The following PRKCG variants were observed in gnomAD, a reference collection of about 807,000 sequenced individuals.
The protein encoded by PRKCG is protein kinase C gamma type.
A neutral mutation model predicts 82.0 loss-of-function variants in PRKCG; 28 were observed. The ratio of observed to expected loss-of-function variants is 0.34; its 90% CI spans 0.25 to 0.47. The LOEUF is 0.47. PRKCG is among the 20% of genes least tolerant of loss of function. The probability of loss-of-function intolerance (pLI) is 1.00; values close to 1 mark genes in which losing one functional copy is unlikely to be tolerated. For missense variants in PRKCG, 640 were observed against 952.7 expected, an observed-to-expected ratio of 0.67 and a Z score of 4.32; for synonymous variants, 383 against 376.6, an observed-to-expected ratio of 1.02 and a Z score of -0.20.
chr19:53,899,114 G>A (rs2068742983), intron 11 of PRKCG, among the ~76,000 whole-genome samples: 1 of 151,896 alleles, frequency 6.6e-6, no homozygotes, highest in Non-Finnish European at 1.5e-5. Context: ...TTCTTCGGAG[G>A]GCGTGGTCGG....
intron 10 of PRKCG, 36 bp from the exon 11 acceptor site, chr19:53,898,404 C>T (rs377371809): frequency 4.3e-6 from 7 of 1,613,460 alleles, no homozygotes; most frequent in African/African-American, 1.3e-5. Context: ...ACTGGGTTCC[C>T]AACATGGACT....
intron 11 of PRKCG, among the ~76,000 whole-genome samples, chr19:53,899,839 G>T (rs57694356): frequency 6.6e-5 from 10 of 152,018 alleles, no homozygotes; most frequent in Non-Finnish European, 1.3e-4. Context: ...CACCCGCTTC[G>T]GCCTCCCAAA....
chr19:53,892,403 G>A lies in PRKCG; in HGVS notation c.687-106G>A, dbSNP rs2068682963. ...GGTCGGAGACCGACAAAGCAGGAGA[G>A]GAGCCCCAGCTGGCTGGGTTTGCCC... On this transcript the variant is annotated intron_variant, in intron 6 of 17. Transcript: ENST00000263431. The surrounding 1 kb of genome is among the most constrained non-coding windows in gnomAD (Gnocchi z 5.9). The A allele has an allele frequency of 1.3e-6, 2 of 1,509,576 alleles. No individual in the cohort carries two copies. The highest frequency in any genetic ancestry group is 8.9e-7 in the Non-Finnish European group (1 of 1,123,380). 93.5% of individuals were successfully genotyped at this position (1,509,576 alleles called of 1,614,324 possible).
At position 53,892,752 on chromosome 19, in the gene PRKCG, G is replaced by GCA. The variant is rs762529486; in HGVS notation, c.821+137_821+138dup. 0.068 allele frequency: 74,394 copies of GCA among 1,092,838 alleles called. 681 individuals are homozygous for GCA. The highest frequency in any genetic ancestry group is 0.086 in the Middle Eastern group (350 of 4,054). 67.7% of individuals were successfully genotyped at this position (1,092,838 alleles called of 1,614,324 possible). On this transcript the variant is annotated intron_variant, in intron 7 of 17. Transcript: ENST00000263431. This position sits in a 1 kb window ranked among gnomAD's most constrained non-coding sequence, Gnocchi z 5.9. Reference sequence around the variant, plus strand: ...TCCTTCCCTCTGCCTCCCAGCATGCGCACACACACACACACACACACACAC... The same window carrying GCA: ...TCCTTCCCTCTGCCTCCCAGCATGCGCACACACACACACACACACACACACAC...
rs750793285 is a variant in PRKCG at position 53,900,437 on chromosome 19, C to T, written c.1392C>T (p.Ile464=). ...EPHAAFYAAE[I]AIGLFFLHNQ... ...CCTCCAGGTTCTACGCGGCAGAAAT[C>T]GCTATCGGCCTCTTCTTCCTTCACA... is the stretch of plus-strand genomic sequence containing the variant. The change falls in exon 13 of 18, where the codon ATC becomes ATT. Residue 464 remains isoleucine (I), a synonymous_variant. Transcript: ENST00000263431. This position sits in a 1 kb window ranked among gnomAD's most constrained non-coding sequence, Gnocchi z 4.2. 10 of 1,614,150 alleles carry T rather than the reference C, an allele frequency of 6.2e-6. No homozygotes were observed. Among genetic ancestry groups the T allele is most frequent in the South Asian group, 1.1e-5 (1 of 91,082 alleles).
At chr19:53,885,221 AT>A (rs1048758686) in intron 3 of PRKCG, among the ~76,000 whole-genome samples, 62 of 149,974 alleles carry the variant, frequency 4.1e-4, no homozygotes, top group East Asian at 1.2e-3. Flanking sequence ...ATTGGCTTAA[AT>A]TTTTTTTTTT....
chr19:53,891,488 T>TG (rs1344275093), intron 5 of PRKCG, among the ~76,000 whole-genome samples, 186 bp from the exon 6 acceptor site: 1 of 150,556 alleles, frequency 6.6e-6, no homozygotes, highest in East Asian at 2.0e-4. Context: ...GGTTTCACCA[T>TG]TCACAGGATG....
chr19:53,898,384 G>T, intron 10 of PRKCG, 56 bp from the exon 11 acceptor site: 2 of 1,604,320 alleles, frequency 1.2e-6, no homozygotes, highest in Non-Finnish European at 1.7e-6. Flanking sequence ...GAGGGGGCAG[G>T]TCCTGTACCA....
In PRKCG at chr19:53,900,143, C is replaced by T. The variant is rs569172218; in HGVS notation, c.1282-90C>T. 1.9e-4 allele frequency: 237 copies of T among 1,272,198 alleles called. No individual in the cohort carries two copies. In the African/African-American group the frequency reaches 3.2e-3, roughly 17 times the overall value. 78.8% of individuals were successfully genotyped at this position (1,272,198 alleles called of 1,614,324 possible). On this transcript the variant is annotated intron_variant, in intron 11 of 17. Coordinates refer to ENST00000263431, the MANE Select transcript of PRKCG (RefSeq NM_002739.5). The surrounding 1 kb of genome is among the most constrained non-coding windows in gnomAD (Gnocchi z 4.2). ...AATTTCTGGTTGGGTGCATCTGGAA[C>T]CTTCCACGTCTGTCCTGAGTGATCA...
In PRKCG at chr19:53,883,416, G is replaced by A. The variant is rs2122974818; in HGVS notation, c.202+222G>A. ...GGGCCCCTCCCTCGGCCGGCTCCAG[G>A]TGGGGACAGATATTTGGAGAATCTG... On this transcript the variant is annotated intron_variant, in intron 2 of 17. Coordinates refer to ENST00000263431, the MANE Select transcript of PRKCG (RefSeq NM_002739.5). This position sits in a 1 kb window ranked among gnomAD's most constrained non-coding sequence, Gnocchi z 5.4. Among the ~76,000 whole-genome samples, 1 of 152,084 alleles carries A rather than the reference G, an allele frequency of 6.6e-6. No homozygotes were observed. Among genetic ancestry groups the A allele is most frequent in the South Asian group, 2.1e-4 (1 of 4,808 alleles).
Position 53,892,568 on chromosome 19 carries a change from G to T in PRKCG, c.746G>T (p.Arg249Leu). ...AGCGTGGAGGTGTGGGACTGGGACCGGACCTCCCGCAACGACTTCATGGGG... is the reference window on the plus strand; with the variant it reads ...AGCGTGGAGGTGTGGGACTGGGACCTGACCTCCCGCAACGACTTCATGGGG... ...RLSVEVWDWD[R>L]TSRNDFMGAM... is the part of the protein sequence containing the mutation. Residue 249 changes from arginine (R) to leucine (L), a missense_variant, in exon 7 of 18, where the codon CGG becomes CTG. Around this residue, in one of 7 missense-constraint regions of PRKCG, gnomAD observed 261 missense variants for 312.1 expected, o/e 0.84. Coordinates refer to ENST00000263431, the MANE Select transcript of PRKCG (RefSeq NM_002739.5). This position sits in a 1 kb window ranked among gnomAD's most constrained non-coding sequence, Gnocchi z 5.9. The T allele has an allele frequency of 3.1e-6, 5 of 1,613,514 alleles. No individual in the cohort carries two copies. Among genetic ancestry groups the T allele is most frequent in the Non-Finnish European group, 4.2e-6 (5 of 1,179,980 alleles).
In PRKCG at chr19:53,904,643, C is replaced by T. The variant is rs556667568; in HGVS notation, c.1665C>T (p.Phe555=). The part of the protein sequence containing the change: ...LYEMLAGQPP[F]DGEDEEELFQ... Reference sequence around the variant, plus strand: ...CCCCTCCACTTTGATAGCCTCCCTTCGATGGGGAGGACGAGGAGGAGCTGT... The same window carrying T: ...CCCCTCCACTTTGATAGCCTCCCTTTGATGGGGAGGACGAGGAGGAGCTGT... The change falls in exon 16 of 18, where the codon TTC becomes TTT. Residue 555 remains phenylalanine (F), a synonymous_variant. Transcript: ENST00000263431. 120 of 1,612,844 alleles carry T rather than the reference C, an allele frequency of 7.4e-5. No homozygotes were observed. The highest frequency in any genetic ancestry group is 9.3e-5 in the Non-Finnish European group (110 of 1,179,622).
chr19:53,899,210 C>A (rs563888627), intron 11 of PRKCG, among the ~76,000 whole-genome samples: 42 of 144,146 alleles, frequency 2.9e-4, no homozygotes, highest in African/African-American at 1.1e-3. Context: ...GCGGAGGTGT[C>A]GTGAAGCGGT....
intron 3 of PRKCG, among the ~76,000 whole-genome samples, chr19:53,886,427 G>C (rs2068632050): frequency 6.6e-6 from 1 of 151,890 alleles, no homozygotes; most frequent in Non-Finnish European, 1.5e-5. Context: ...TTTTGAGACA[G>C]GGTCCCACTC....
At chr19:53,903,241 C>T in intron 15 of PRKCG, 88 bp downstream of exon 15, 2 of 1,031,976 alleles carry the variant, frequency 1.9e-6, no homozygotes, top group Admixed American at 3.4e-5. Context: ...GAAAGGAGCC[C>T]AGAAGGTTGT....
At position 53,882,312 on chromosome 19, in the gene PRKCG, G is replaced by C. The variant is rs772242661; in HGVS notation, c.-183G>C. The stretch of plus-strand genomic sequence containing the variant: ...CTCGCCCGCTCCCCCTGGCGGAGCC[G>C]GCGCGCCCGGGGTGCCGCTCCCTGC... On this transcript the variant is annotated 5_prime_UTR_variant, in exon 1 of 18. Coordinates refer to ENST00000263431, the MANE Select transcript of PRKCG (RefSeq NM_002739.5). This position sits in a 1 kb window ranked among gnomAD's most constrained non-coding sequence, Gnocchi z 6.1. 1.5e-5 allele frequency: 13 copies of C among 862,176 alleles called. No individual in the cohort carries two copies. The highest frequency in any genetic ancestry group is 2.1e-5 in the Non-Finnish European group (12 of 564,350). The allele number at this position is 862,176 out of a possible 1,614,324, so 53.4% of individuals were successfully genotyped here.
At chr19:53,891,071 A>G (rs2068671733) in intron 5 of PRKCG, among the ~76,000 whole-genome samples, 1 of 151,644 alleles carries the variant, frequency 6.6e-6, no homozygotes, top group Non-Finnish European at 1.5e-5. Context: ...GGGTATAAGG[A>G]TCTTGAGAAG....
At chr19:53,906,081 C>CTTCTTCTTCTTCTTCTT (rs1568763987) in intron 16 of PRKCG, among the ~76,000 whole-genome samples, 1 of 35,492 alleles carries the variant, frequency 2.8e-5, no homozygotes, top group Non-Finnish European at 4.5e-5. Flanking sequence ...TCCTCCTCCT[C>CTTCTTCTTCTTCTTCTT]CTCCTTCTTC....
At chr19:53,898,223 A>C in intron 10 of PRKCG, 112 bp downstream of exon 10, 1 of 1,486,994 alleles carries the variant, frequency 6.7e-7, no homozygotes, top group Non-Finnish European at 9.2e-7. Flanking sequence ...GCATCTTCAA[A>C]TATGGTTAGG....
Sources: gnomAD v4.1 joint callset for allele counts (sites outside exome capture counted in the v4.1 genomes callset) on GRCh38, gnomAD v4.1.1 for gene constraint, gnomAD v4.1.1 regional missense constraint, Gnocchi (gnomAD v3.1) non-coding constraint, MANE v1.5 for transcripts, NCBI Gene and HGNC (gene_info 2026-07-23, HGNC 2026-07-21) for gene names.